PCDHA1: variants seen among roughly 807,000 people sequenced by gnomAD.
The protein encoded by PCDHA1 is protocadherin alpha 1, also known as protocadherin alpha-1.
In PCDHA1, 42 loss-of-function variants were observed where a neutral mutation model predicts 61.3. That is an observed-to-expected ratio of 0.69 (90% CI 0.54 to 0.89). The LOEUF is 0.89. Among genes scored for constraint, PCDHA1 ranks in the 40% least tolerant of loss-of-function variants. The pLI, the probability that PCDHA1 is intolerant of heterozygous loss-of-function variation, is 0.00. For missense variants in PCDHA1, 1,256 were observed against 1,235.3 expected (o/e 1.02, Z -0.25); for synonymous variants, 610 against 553.8 (o/e 1.10, Z -1.43).
chr5:140,863,011 C>T (rs782711409), intron 1 of PCDHA1: 2 of 552,132 alleles, frequency 3.6e-6, no homozygotes, highest in Admixed American at 1.9e-5. Flanking sequence ...CCAGCTATGA[C>T]GCCTGGTTGT....
At chr5:140,953,950 A>G (rs1458991224) in intron 1 of PCDHA1, among the ~76,000 whole-genome samples, 1 of 151,936 alleles carries the variant, frequency 6.6e-6, no homozygotes, top group Non-Finnish European at 1.5e-5. Flanking sequence ...TTGCTCCCCC[A>G]ACAGGCCCCA....
intron 1 of PCDHA1, chr5:140,928,757 G>A (rs372744198): frequency 6.2e-7 from 1 of 1,613,974 alleles, no homozygotes; most frequent in African/African-American, 1.3e-5. Flanking sequence ...CGTACTGCTC[G>A]CTTAGTTCTT....
At chr5:140,955,124 CTG>C (rs1404094455) in intron 1 of PCDHA1, among the ~76,000 whole-genome samples, 1 of 152,016 alleles carries the variant, frequency 6.6e-6, no homozygotes. Context: ...TTCTGTTCCA[CTG>C]GTCTACACGT....
chr5:140,832,072 T>A (rs2150199647), intron 1 of PCDHA1, among the ~76,000 whole-genome samples: 2,545 of 152,344 alleles, frequency 0.017, 42 homozygotes, highest in Non-Finnish European at 0.028. Context: ...ATCTGAGATG[T>A]CTCTAACATT....
At position 140,809,647 on chromosome 5, in the gene PCDHA1, A is replaced by G. The variant is rs1764517307; in HGVS notation, c.2394+20963A>G. The G allele has an allele frequency of 2.0e-6, 3 of 1,500,206 alleles. No individual in the cohort carries two copies. In the Admixed American group the frequency reaches 6.9e-5, roughly 34 times the overall value. 92.9% of individuals were successfully genotyped at this position (1,500,206 alleles called of 1,614,324 possible). Reference sequence around the variant, plus strand: ...CAACTTCTTCGTAAATTTATTTCTAAGAGTCAAATTTCCCTGGGTTAAAAT... The same window carrying G: ...CAACTTCTTCGTAAATTTATTTCTAGGAGTCAAATTTCCCTGGGTTAAAAT... On this transcript the variant is annotated intron_variant, in intron 1 of 3. Coordinates refer to ENST00000504120, the MANE Select transcript of PCDHA1 (RefSeq NM_018900.4).
At chr5:140,892,021 G>T (rs2063355611) in intron 1 of PCDHA1, among the ~76,000 whole-genome samples, 1 of 152,160 alleles carries the variant, frequency 6.6e-6, no homozygotes, top group Non-Finnish European at 1.5e-5. Context: ...AGCACAAATG[G>T]TCTAAGATAC....
chr5:140,847,230 A>G (rs1780911631), intron 1 of PCDHA1, among the ~76,000 whole-genome samples: 1 of 149,868 alleles, frequency 6.7e-6, no homozygotes, highest in Admixed American at 6.7e-5. Flanking sequence ...GAGCTATTTA[A>G]CTACCTTGAG....
chr5:140,918,572 G>T (rs2153549346), intron 1 of PCDHA1, among the ~76,000 whole-genome samples: 1 of 152,264 alleles, frequency 6.6e-6, no homozygotes, highest in Middle Eastern at 3.4e-3. Context: ...ATATTATGCT[G>T]CTATTGGCTA....
intron 1 of PCDHA1, among the ~76,000 whole-genome samples, chr5:140,976,809 T>C (rs1563451400): frequency 6.6e-6 from 1 of 152,220 alleles, no homozygotes; most frequent in Non-Finnish European, 1.5e-5. Flanking sequence ...TATCTGAAGA[T>C]ATGCATGTGT....
intron 1 of PCDHA1, chr5:140,836,292 C>A (rs1774344523): frequency 6.2e-7 from 1 of 1,613,662 alleles, no homozygotes; most frequent in South Asian, 1.1e-5. Context: ...GACACGAGCC[C>A]TAGATGAGAC....
At chr5:140,822,436 C>T (rs2150116376) in intron 1 of PCDHA1, 20 of 1,613,756 alleles carry the variant, frequency 1.2e-5, no homozygotes, top group Non-Finnish European at 1.6e-5. Flanking sequence ...AAAACCCGAA[C>T]TAACAGGTAC....
intron 1 of PCDHA1, chr5:140,882,175 G>T: frequency 6.6e-7 from 1 of 1,515,152 alleles, no homozygotes; most frequent in Non-Finnish European, 8.8e-7. Flanking sequence ...GAATCCTTCC[G>T]CACTAGGAAG....
intron 1 of PCDHA1, among the ~76,000 whole-genome samples, chr5:140,964,992 A>G (rs1459979924): frequency 6.6e-6 from 1 of 152,098 alleles, no homozygotes; most frequent in Non-Finnish European, 1.5e-5. Flanking sequence ...CAGGCCTTTG[A>G]ATTCTGGGTG....
Position 140,842,470 on chromosome 5 carries a change from G to T in PCDHA1, c.2394+53786G>T, listed in dbSNP as rs2150336906. 2.9e-5 allele frequency: 47 copies of T among 1,613,802 alleles called. 1 individual carries two copies. Among genetic ancestry groups the T allele is most frequent in the South Asian group, 2.4e-4 (22 of 91,082 alleles). ...ACGACCTCGATTCAGGTGCCAACGG[G>T]CAGGTGACCTGCTCCCTGATGCCCC... is the stretch of plus-strand genomic sequence containing the variant. On this transcript the variant is annotated intron_variant, in intron 1 of 3. Transcript: ENST00000504120.
At chr5:140,862,618 C>T in intron 1 of PCDHA1, 1 of 526,556 alleles carries the variant, frequency 1.9e-6, no homozygotes, top group East Asian at 5.1e-5. Context: ...AGGTAACAAC[C>T]CGCGGGGCTG....
chr5:140,869,210 C>T (rs781978731), intron 1 of PCDHA1: 2 of 1,613,814 alleles, frequency 1.2e-6, no homozygotes, highest in African/African-American at 2.7e-5. Context: ...TACTCCGTCT[C>T]GGAGGAGGCC....
At chr5:140,801,468 G>A in intron 1 of PCDHA1, 1 of 1,614,056 alleles carries the variant, frequency 6.2e-7, no homozygotes, top group South Asian at 1.1e-5. Context: ...TTCTCGGATA[G>A]ACCGCGAGGA....
Position 140,807,076 on chromosome 5 carries a change from T to A in PCDHA1, c.2394+18392T>A, listed in dbSNP as rs1013702892. The A allele has an allele frequency of 4.0e-6, 5 of 1,236,742 alleles. No homozygotes were observed. The African/African-American group carries it at 7.5e-5, about 19-fold the overall frequency. 76.6% of individuals were successfully genotyped at this position (1,236,742 alleles called of 1,614,324 possible). ...TCTTACTGGAAGGAACCATATACAC[T>A]CTTTGGAGTCTGAAATATGGAGGAT... On this transcript the variant is annotated intron_variant, in intron 1 of 3. Coordinates refer to ENST00000504120, the MANE Select transcript of PCDHA1 (RefSeq NM_018900.4).
chr5:140,821,697 A>C (rs1307389134), intron 1 of PCDHA1: 2 of 1,400,452 alleles, frequency 1.4e-6, no homozygotes, highest in African/African-American at 2.9e-5. Context: ...TAAAAAATAT[A>C]TAGTTAATTG....
Sources: gnomAD v4.1 joint callset for allele counts (sites outside exome capture counted in the v4.1 genomes callset) on GRCh38, gnomAD v4.1.1 for gene constraint, MANE v1.5 for transcripts, NCBI Gene and HGNC (gene_info 2026-07-23, HGNC 2026-07-21) for gene names.